The following CDC14B variants were observed in gnomAD, a reference collection of about 807,000 sequenced individuals.
The protein encoded by CDC14B is dual specificity protein phosphatase CDC14B.
Under a neutral mutation model 64.2 loss-of-function variants are expected in CDC14B, and 22 were observed. That is an observed-to-expected ratio of 0.34 (90% CI 0.24 to 0.49). The LOEUF is 0.49. Among genes scored for constraint, CDC14B ranks in the 20% least tolerant of loss-of-function variants. The pLI, the probability that CDC14B is intolerant of heterozygous loss-of-function variation, is 0.99. For missense variants in CDC14B, 498 were observed against 629.9 expected (o/e 0.79, Z 2.24); for synonymous variants, 191 against 215.8 (o/e 0.89, Z 1.01).
At chr9:96,519,009 G>A (rs1344788138) in intron 12 of CDC14B, among the ~76,000 whole-genome samples, 21 of 151,960 alleles carry the variant, frequency 1.4e-4, no homozygotes, top group African/African-American at 3.4e-4. Flanking sequence ...GGTGGTGGGC[G>A]CCTGTATTCC....
intron 1 of CDC14B, among the ~76,000 whole-genome samples, chr9:96,579,253 G>A (rs1844992212): frequency 6.6e-6 from 1 of 151,934 alleles, no homozygotes; most frequent in Admixed American, 6.6e-5. Context: ...AGAAATCAAG[G>A]TTAAATGAGG....
chr9:96,559,551 T>C (rs1842893783), intron 4 of CDC14B, among the ~76,000 whole-genome samples: 1 of 152,240 alleles, frequency 6.6e-6, no homozygotes. Context: ...TGATGTGTTA[T>C]CTTTTCAGGT....
intron 1 of CDC14B, among the ~76,000 whole-genome samples, chr9:96,597,862 T>C (rs954653862): frequency 5.9e-5 from 9 of 152,188 alleles, no homozygotes; most frequent in Admixed American, 2.0e-4. Context: ...AGTAACAGGA[T>C]TTATAATATA....
At chr9:96,583,212 T>G (rs1034439110) in intron 1 of CDC14B, among the ~76,000 whole-genome samples, 1 of 152,060 alleles carries the variant, frequency 6.6e-6, no homozygotes, top group African/African-American at 2.4e-5. Flanking sequence ...TTAGTGACTA[T>G]CCACATATGC....
In CDC14B at chr9:96,534,095, T is replaced by C. The variant is rs1423099195; in HGVS notation, c.778A>G (p.Ile260Val). ...TACATCCTTTTATTCAGACGAATAA[T>C]GGTAGTAACATTGTGATTCTTAAAA... Reference protein sequence around the residue: ...QYFKNHNVTTIIRLNKRMYDA... With the variant: ...QYFKNHNVTTVIRLNKRMYDA... The change falls in exon 9 of 14, where the codon ATT becomes GTT. Residue 260 changes from isoleucine to valine, a missense_variant. Coordinates refer to ENST00000375241, the MANE Select transcript of CDC14B (RefSeq NM_033331.4). The C allele has an allele frequency of 1.1e-5, 17 of 1,611,732 alleles. No individual in the cohort carries two copies. The highest frequency in any genetic ancestry group is 2.2e-5 in the East Asian group (1 of 44,860).
At chr9:96,521,043 G>C (rs1046664515) in intron 12 of CDC14B, among the ~76,000 whole-genome samples, 8 of 152,116 alleles carry the variant, frequency 5.3e-5, no homozygotes, top group African/African-American at 1.9e-4. Flanking sequence ...TTGGAGTTAA[G>C]TAAATTATAC....
chr9:96,559,882 A>G (rs1018741481), intron 4 of CDC14B, among the ~76,000 whole-genome samples: 1 of 152,222 alleles, frequency 6.6e-6, no homozygotes, highest in Non-Finnish European at 1.5e-5. Context: ...CTATAGAAAA[A>G]TAAGCTTCTG....
At chr9:96,543,259 C>T (rs938235290) in intron 5 of CDC14B, among the ~76,000 whole-genome samples, 3 of 150,312 alleles carry the variant, frequency 2.0e-5, no homozygotes, top group African/African-American at 4.9e-5. Context: ...GGCGTGAACC[C>T]GGAGGCGGAG....
chr9:96,507,684 G>T (rs909905665), intron 13 of CDC14B, among the ~76,000 whole-genome samples: 4 of 152,050 alleles, frequency 2.6e-5, no homozygotes, highest in Non-Finnish European at 5.9e-5. Context: ...AAAGTCCTGG[G>T]ATTACAGGCG....
intron 5 of CDC14B, among the ~76,000 whole-genome samples, chr9:96,551,297 T>A (rs1841803929): frequency 6.6e-6 from 1 of 151,768 alleles, no homozygotes; most frequent in Non-Finnish European, 1.5e-5. Context: ...TTTTTAAAAT[T>A]TTTTTATAGA....
intron 1 of CDC14B, among the ~76,000 whole-genome samples, chr9:96,586,293 A>G (rs995427137): frequency 6.6e-6 from 1 of 152,236 alleles, no homozygotes; most frequent in African/African-American, 2.4e-5. Flanking sequence ...TGACCTTAGT[A>G]TCTGTTACAG....
intron 1 of CDC14B, among the ~76,000 whole-genome samples, chr9:96,567,988 A>G (rs1844211479): frequency 6.6e-6 from 1 of 152,186 alleles, no homozygotes; most frequent in Non-Finnish European, 1.5e-5. Flanking sequence ...AATATATTCT[A>G]AACCTATGTT....
chr9:96,546,670 G>T (rs528938062), intron 5 of CDC14B, among the ~76,000 whole-genome samples: 8 of 152,026 alleles, frequency 5.3e-5, no homozygotes, highest in Admixed American at 2.6e-4. Context: ...GGCTCATCTT[G>T]AACTCCTGAC....
intron 1 of CDC14B, among the ~76,000 whole-genome samples, chr9:96,616,524 G>C (rs1307420143): frequency 6.6e-6 from 1 of 151,882 alleles, no homozygotes; most frequent in Non-Finnish European, 1.5e-5. Context: ...AGGAGTTTGA[G>C]ACTAGCCTGG....
intron 1 of CDC14B, among the ~76,000 whole-genome samples, chr9:96,571,540 G>C (rs982084386): frequency 1.3e-5 from 2 of 151,872 alleles, no homozygotes. Context: ...AGTCACAAAG[G>C]GAAAAACTAG....
At chr9:96,544,757 A>C (rs1186591138) in intron 5 of CDC14B, among the ~76,000 whole-genome samples, 1 of 152,106 alleles carries the variant, frequency 6.6e-6, no homozygotes, top group African/African-American at 2.4e-5. Flanking sequence ...TCAGCCTCCC[A>C]AAGTGCTGGG....
chr9:96,553,355 CTTTTCTT>C (rs1842076435), intron 4 of CDC14B, among the ~76,000 whole-genome samples: 1 of 144,914 alleles, frequency 6.9e-6, no homozygotes. Context: ...TCTTTCTTTT[CTTTTCTT>C]TTTTTTTTTT....
At chr9:96,544,967 G>T (rs1005238101) in intron 5 of CDC14B, among the ~76,000 whole-genome samples, 1 of 152,162 alleles carries the variant, frequency 6.6e-6, no homozygotes, top group African/African-American at 2.4e-5. Context: ...GTGGTCCCCA[G>T]GCCAGCAGCA....
In CDC14B at chr9:96,503,567, T is replaced by C. The variant is rs1363253112; in HGVS notation, c.*186A>G. ...GAGAGCTGGACCCTTCTCTGAGTCA[T>C]TTGCTTGCACCCAAACTCAAAGTTC... On this transcript the variant is annotated 3_prime_UTR_variant, in exon 14 of 14. Transcript: ENST00000375241. The C allele has an allele frequency of 1.7e-6, 1 of 602,162 alleles. No individual in the cohort carries two copies. Among genetic ancestry groups the C allele is most frequent in the South Asian group, 2.1e-5 (1 of 48,524 alleles). The allele number at this position is 602,162 out of a possible 1,614,324, so 37.3% of individuals were successfully genotyped here. A position where few individuals can be genotyped will look rare whatever the true frequency, so the allele number is the denominator to read the frequency against.
Sources: gnomAD v4.1 joint callset for allele counts (sites outside exome capture counted in the v4.1 genomes callset) on GRCh38, gnomAD v4.1.1 for gene constraint, MANE v1.5 for transcripts, NCBI Gene and HGNC (gene_info 2026-07-23, HGNC 2026-07-21) for gene names.